The following CTIF variants were observed in gnomAD, a reference collection of about 807,000 sequenced individuals.
CTIF encodes the protein cap binding complex dependent translation initiation factor.
CTIF carries 21 observed loss-of-function variants against 66.0 expected under a neutral mutation model. That is an observed-to-expected ratio of 0.32 (90% CI 0.23 to 0.46). The LOEUF is 0.46. Among genes scored for constraint, CTIF ranks in the 20% least tolerant of loss-of-function variants. CTIF has a pLI of 1.00. For missense variants in CTIF, 739 were observed against 812.7 expected (o/e 0.91, Z 1.10); for synonymous variants, 345 against 326.4 (o/e 1.06, Z -0.62).
chr18:48,611,053 G>A (rs536985506), intron 1 of CTIF, among the ~76,000 whole-genome samples: 1 of 152,280 alleles, frequency 6.6e-6, no homozygotes, highest in Non-Finnish European at 1.5e-5. Flanking sequence ...GTTGAGGGAT[G>A]TAAAGGCTTG....
intron 1 of CTIF, among the ~76,000 whole-genome samples, chr18:48,615,585 C>T (rs2090384282): frequency 6.6e-6 from 1 of 152,186 alleles, no homozygotes; most frequent in Admixed American, 6.5e-5. Flanking sequence ...CGGGGCTCAC[C>T]CCACTCGGAG....
At chr18:48,653,523 T>C (rs1448279376) in intron 3 of CTIF, among the ~76,000 whole-genome samples, 2 of 152,182 alleles carry the variant, frequency 1.3e-5, no homozygotes, top group South Asian at 2.1e-4. Flanking sequence ...ATAGGAAGAA[T>C]CAATATCATG....
chr18:48,672,872 GCCTCT>G (rs2091558670), intron 6 of CTIF, among the ~76,000 whole-genome samples: 1 of 152,122 alleles, frequency 6.6e-6, no homozygotes, highest in South Asian at 2.1e-4. Context: ...CCCTTGCCCA[GCCTCT>G]GTCCTGGGCT....
Position 48,570,403 on chromosome 18 carries a change from G to A in CTIF, c.-29+31091G>A, listed in dbSNP as rs544520928. On this transcript the variant is annotated intron_variant, in intron 1 of 11. Coordinates refer to ENST00000256413, the MANE Select transcript of CTIF (RefSeq NM_014772.3). Reference sequence around the variant, plus strand: ...AGTACTTATTAAGAACCTACTGCATGCCAGGAACTGTGCTATATATTGAGG... The same window carrying A: ...AGTACTTATTAAGAACCTACTGCATACCAGGAACTGTGCTATATATTGAGG... 4.6e-5 allele frequency among the ~76,000 whole-genome samples: 7 copies of A among 152,334 alleles called. No homozygotes were observed. In the South Asian group the frequency reaches 1.5e-3, roughly 32 times the overall value.
At chr18:48,666,950 G>A (rs1163215909) in intron 5 of CTIF, among the ~76,000 whole-genome samples, 1 of 152,190 alleles carries the variant, frequency 6.6e-6, no homozygotes, top group Admixed American at 6.5e-5. Flanking sequence ...CCAGTGTCCT[G>A]TTGCAACAGT....
intron 10 of CTIF, among the ~76,000 whole-genome samples, chr18:48,852,464 C>T (rs965609397): frequency 6.6e-6 from 1 of 152,062 alleles, no homozygotes; most frequent in South Asian, 2.1e-4. Flanking sequence ...ACACCCCCCA[C>T]CTCCAACTTT....
At chr18:48,719,381 T>C (rs1299876493) in intron 7 of CTIF, among the ~76,000 whole-genome samples, 1 of 152,158 alleles carries the variant, frequency 6.6e-6, no homozygotes, top group Non-Finnish European at 1.5e-5. Flanking sequence ...CCTACAAAAA[T>C]GACCAGGTCC....
intron 1 of CTIF, among the ~76,000 whole-genome samples, chr18:48,550,242 G>C (rs1415546240): frequency 6.6e-6 from 1 of 152,212 alleles, no homozygotes; most frequent in Non-Finnish European, 1.5e-5. Flanking sequence ...TGTCCAGAGG[G>C]AGGGAGCATA....
chr18:48,628,206 G>A (rs183574632), intron 2 of CTIF, among the ~76,000 whole-genome samples: 8 of 152,302 alleles, frequency 5.3e-5, no homozygotes, highest in Admixed American at 1.3e-4. Context: ...CAAGAGTCCC[G>A]TTTGGGCATG....
chr18:48,783,717 T>TC (rs895648960), intron 9 of CTIF, among the ~76,000 whole-genome samples: 12 of 151,998 alleles, frequency 7.9e-5, no homozygotes, highest in African/African-American at 2.7e-4. Context: ...AGACACTTCC[T>TC]CCCACGTGGC....
At chr18:48,632,146 C>T (rs2090729697) in intron 2 of CTIF, among the ~76,000 whole-genome samples, 1 of 152,134 alleles carries the variant, frequency 6.6e-6, no homozygotes, top group Non-Finnish European at 1.5e-5. Context: ...ACCAGAGGGC[C>T]TTTAGGGCCA....
intron 3 of CTIF, among the ~76,000 whole-genome samples, chr18:48,645,404 G>A (rs777305085): frequency 3.8e-4 from 57 of 151,810 alleles, no homozygotes; most frequent in Non-Finnish European, 5.9e-4. Flanking sequence ...AAAACTTTTC[G>A]ACTGTCACTG....
chr18:48,610,080 C>T (rs528827524), intron 1 of CTIF, among the ~76,000 whole-genome samples: 60 of 152,252 alleles, frequency 3.9e-4, no homozygotes, highest in African/African-American at 1.1e-3. Context: ...GCCACAGGCC[C>T]GTCTACCCAT....
intron 10 of CTIF, among the ~76,000 whole-genome samples, chr18:48,845,029 C>T (rs2069037991): frequency 6.6e-6 from 1 of 152,100 alleles, no homozygotes; most frequent in Admixed American, 6.5e-5. Context: ...ACCAGATTCC[C>T]AGACCATTCT....
intron 1 of CTIF, among the ~76,000 whole-genome samples, chr18:48,602,654 G>C (rs1272874115): frequency 6.6e-6 from 1 of 152,198 alleles, no homozygotes; most frequent in Non-Finnish European, 1.5e-5. Flanking sequence ...TCCTATGTTG[G>C]TGCTGCTTCT....
chr18:48,572,721 C>T (rs2089443465), intron 1 of CTIF, among the ~76,000 whole-genome samples: 1 of 152,150 alleles, frequency 6.6e-6, no homozygotes, highest in African/African-American at 2.4e-5. Flanking sequence ...GATGCAGTGG[C>T]TCACACCTGT....
chr18:48,751,944 TATTCATTCATTCATTC>T lies in CTIF; in HGVS notation c.585-5950_585-5935del, dbSNP rs71976839. ...ACCAGCCTTTCTCTGCATCATTTATTATTCATTCATTCATTCATTCATTCATTCATTCATTCATTCT... is the reference window on the plus strand; with the variant it reads ...ACCAGCCTTTCTCTGCATCATTTATTATTCATTCATTCATTCATTCATTCT... On this transcript the variant is annotated intron_variant, in intron 7 of 11. Transcript: ENST00000256413. 8.1e-3 allele frequency among the ~76,000 whole-genome samples: 1,221 copies of T among 151,028 alleles called. 23 individuals carry two copies. The highest frequency in any genetic ancestry group is 0.027 in the African/African-American group (1,109 of 41,104).
intron 2 of CTIF, among the ~76,000 whole-genome samples, chr18:48,627,776 G>C (rs1486878411): frequency 6.7e-6 from 1 of 149,178 alleles, no homozygotes; most frequent in Non-Finnish European, 1.5e-5. Flanking sequence ...GGTTGGGGGG[G>C]AGGGTGGGGA....
At chr18:48,627,406 G>A (rs767988720) in intron 2 of CTIF, among the ~76,000 whole-genome samples, 1 of 152,120 alleles carries the variant, frequency 6.6e-6, no homozygotes, top group South Asian at 2.1e-4. Flanking sequence ...GAGGCAGGAA[G>A]TGAGTGGGGA....
Sources: gnomAD v4.1 joint callset for allele counts (sites outside exome capture counted in the v4.1 genomes callset) on GRCh38, gnomAD v4.1.1 for gene constraint, MANE v1.5 for transcripts, NCBI Gene and HGNC (gene_info 2026-07-23, HGNC 2026-07-21) for gene names.